ATP8A2: variants seen among roughly 807,000 people sequenced by gnomAD.
ATP8A2 encodes the protein ATPase phospholipid transporting 8A2, also known as phospholipid-transporting ATPase IB.
ATP8A2 carries 100 observed loss-of-function variants against 165.6 expected under a neutral mutation model. That is an observed-to-expected ratio of 0.60 (90% confidence interval 0.51 to 0.71). The LOEUF is 0.71. Among genes scored for constraint, ATP8A2 ranks in the 30% least tolerant of loss-of-function variants. The probability of loss-of-function intolerance (pLI) is 0.00; values close to 1 mark genes in which losing one functional copy is unlikely to be tolerated. For missense variants in ATP8A2, 1,227 were observed against 1,479.5 expected, an observed-to-expected ratio of 0.83 and a Z score of 2.80; for synonymous variants, 543 against 548.8, an observed-to-expected ratio of 0.99 and a Z score of 0.15.
intron 10 of ATP8A2, 139 bp downstream of exon 10, chr13:25,543,541 A>G: frequency 1.8e-6 from 1 of 548,360 alleles, no homozygotes; most frequent in East Asian, 2.8e-5. Flanking sequence ...CCTTTATTTT[A>G]GTTTCTTAGG....
chr13:25,504,958 T>C (rs993417709), intron 2 of ATP8A2, among the ~76,000 whole-genome samples: 3 of 152,170 alleles, frequency 2.0e-5, no homozygotes, highest in Non-Finnish European at 4.4e-5. Context: ...TTCTCAGAAT[T>C]GTATTTTTTT....
intron 1 of ATP8A2, chr13:25,468,756 C>T (rs2035744027): frequency 2.3e-6 from 2 of 863,838 alleles, no homozygotes; most frequent in South Asian, 5.3e-5. Flanking sequence ...AGGGGCCGCG[C>T]GGGGCGTGGG....
chr13:25,421,454 C>T (rs1031179181), intron 1 of ATP8A2, among the ~76,000 whole-genome samples: 5 of 152,134 alleles, frequency 3.3e-5, no homozygotes, highest in Admixed American at 2.6e-4. Context: ...CCCACCTCAG[C>T]CCCCCAAGTA....
At chr13:25,883,570 G>A (rs755122695) in intron 33 of ATP8A2, among the ~76,000 whole-genome samples, 6 of 152,178 alleles carry the variant, frequency 3.9e-5, no homozygotes, top group African/African-American at 9.7e-5. Context: ...TCCTTCATGC[G>A]GACAGGCCCG....
rs1020035450 is a variant in ATP8A2 at position 26,021,563 on chromosome 13, T to C, written c.*1578T>C. On this transcript the variant is annotated 3_prime_UTR_variant, in exon 37 of 37. Transcript: ENST00000381655. ...CCCACACTTAAATCTCAACAGAACC[T>C]AGATGTCTTCAGGCATGAATGTGAG... 3 of 152,182 alleles carry C rather than the reference T, an allele frequency of 2.0e-5. No homozygotes were observed. Among genetic ancestry groups the C allele is most frequent in the African/African-American group, 7.2e-5 (3 of 41,440 alleles). 9.4% of individuals were successfully genotyped at this position (152,182 alleles called of 1,614,324 possible).
intron 33 of ATP8A2, among the ~76,000 whole-genome samples, chr13:25,936,629 G>C (rs1044687999): frequency 6.6e-6 from 1 of 152,314 alleles, no homozygotes; most frequent in East Asian, 1.9e-4. Context: ...GTAAGCATCC[G>C]AGTAGAATCC....
chr13:25,528,262 A>G (rs2037904233), intron 2 of ATP8A2, among the ~76,000 whole-genome samples: 1 of 152,190 alleles, frequency 6.6e-6, no homozygotes, highest in African/African-American at 2.4e-5. Context: ...CAAGTTACAT[A>G]TTGTTTAAGT....
intron 10 of ATP8A2, among the ~76,000 whole-genome samples, chr13:25,547,646 A>T (rs914083674): frequency 5.3e-5 from 8 of 152,344 alleles, no homozygotes; most frequent in African/African-American, 1.9e-4. Flanking sequence ...AATGTAATGC[A>T]CTTGAGTCAC....
intron 25 of ATP8A2, among the ~76,000 whole-genome samples, chr13:25,754,161 C>A (rs966225275): frequency 6.6e-6 from 1 of 152,230 alleles, no homozygotes; most frequent in African/African-American, 2.4e-5. Flanking sequence ...TTGTTGCCAT[C>A]TGCATAGCTG....
chr13:25,419,343 C>T (rs954640060), intron 1 of ATP8A2, among the ~76,000 whole-genome samples: 2 of 152,098 alleles, frequency 1.3e-5, no homozygotes, highest in African/African-American at 4.8e-5. Context: ...CTTTCTTTTC[C>T]TCCCCCATCA....
chr13:25,862,200 G>T (rs187426756), intron 32 of ATP8A2, 101 bp from the exon 33 acceptor site: 1 of 763,034 alleles, frequency 1.3e-6, no homozygotes, highest in Non-Finnish European at 2.3e-6. Flanking sequence ...CTTTCCATAA[G>T]GAAAGGTAGC....
intron 3 of ATP8A2, 55 bp from the exon 4 acceptor site, chr13:25,530,507 C>A: frequency 9.6e-7 from 1 of 1,036,732 alleles, no homozygotes; most frequent in South Asian, 1.4e-5. Context: ...ATTTTCTGTT[C>A]ATGGAGAGGA....
chr13:25,879,573 G>A (rs1249399271), intron 33 of ATP8A2, among the ~76,000 whole-genome samples: 1 of 152,206 alleles, frequency 6.6e-6, no homozygotes, highest in African/African-American at 2.4e-5. Context: ...CACTGGATGT[G>A]CACCTCTGCT....
chr13:25,871,224 T>C (rs1299078183), intron 33 of ATP8A2: 1 of 409,904 alleles, frequency 2.4e-6, no homozygotes, highest in South Asian at 1.8e-5. Context: ...GCTGATTTTG[T>C]TTGTTTGTAA....
intron 24 of ATP8A2, among the ~76,000 whole-genome samples, chr13:25,675,862 A>G (rs574089221): frequency 1.3e-5 from 2 of 152,334 alleles, no homozygotes; most frequent in South Asian, 2.1e-4. Flanking sequence ...TTGAAATGCC[A>G]TAATTAATCA....
chr13:25,874,974 G>A lies in ATP8A2; in HGVS notation c.3183+12566G>A, dbSNP rs143811994. Reference sequence around the variant, plus strand: ...GAAATATTCTAACATGGTTAATTAAGAATTGAGGACATTATGCAAAGTGAA... The same window carrying A: ...GAAATATTCTAACATGGTTAATTAAAAATTGAGGACATTATGCAAAGTGAA... On this transcript the variant is annotated intron_variant, in intron 33 of 36. Coordinates refer to ENST00000381655, the MANE Select transcript of ATP8A2 (RefSeq NM_016529.6). Among the ~76,000 whole-genome samples, 465 of 152,162 alleles carry A rather than the reference G, an allele frequency of 3.1e-3. 3 individuals carry two copies. Among genetic ancestry groups the A allele is most frequent in the East Asian group, 0.017 (85 of 5,110 alleles).
At chr13:25,949,261 A>T (rs1431409977) in intron 33 of ATP8A2, among the ~76,000 whole-genome samples, 2 of 152,240 alleles carry the variant, frequency 1.3e-5, no homozygotes, top group African/African-American at 4.8e-5. Context: ...CCACCTGCAG[A>T]TGCCAGCGGG....
chr13:25,644,495 A>T (rs1413638214), intron 24 of ATP8A2, among the ~76,000 whole-genome samples: 1 of 144,022 alleles, frequency 6.9e-6, no homozygotes. Flanking sequence ...ATCTGTGTTC[A>T]TCAAGGATAT....
At chr13:25,624,227 C>G (rs559559917) in intron 24 of ATP8A2, among the ~76,000 whole-genome samples, 1 of 152,140 alleles carries the variant, frequency 6.6e-6, no homozygotes, top group African/African-American at 2.4e-5. Flanking sequence ...TCTTTCCTTG[C>G]TGGTCTTACA....
Sources: gnomAD v4.1 joint callset for allele counts (sites outside exome capture counted in the v4.1 genomes callset) on GRCh38, gnomAD v4.1.1 for gene constraint, MANE v1.5 for transcripts, NCBI Gene and HGNC (gene_info 2026-07-23, HGNC 2026-07-21) for gene names.